KAT2A: variants seen among roughly 807,000 people sequenced by gnomAD.
KAT2A encodes the protein histone acetyltransferase KAT2A.
A neutral mutation model predicts 95.2 loss-of-function variants in KAT2A; 42 were observed. That is an observed-to-expected ratio of 0.44 (90% CI 0.34 to 0.57). The LOEUF is 0.57. KAT2A is among the 20% of genes least tolerant of loss of function. The pLI is 0.01. For synonymous variants in KAT2A, 449 were observed against 448.2 expected (o/e 1.00, Z -0.02); for missense variants, 784 against 1,126.3 (o/e 0.70, Z 4.35).
chr17:42,115,923 G>A lies in KAT2A; in HGVS notation c.1765-90C>T, dbSNP rs2054252043. On this transcript the variant is annotated intron_variant, in intron 11 of 17. Transcript: ENST00000225916. The stretch of plus-strand genomic sequence containing the variant: ...GAGACCAGAGAAGAGCGGGTAGATT[G>A]GAAAGGAGGTAGAGAGAGCGAGAGC... 15 of 797,932 alleles carry A rather than the reference G, an allele frequency of 1.9e-5. No individual in the cohort carries two copies. In the South Asian group the frequency reaches 2.0e-4, roughly 11 times the overall value. The allele number at this position is 797,932 out of a possible 1,614,324, so 49.4% of individuals were successfully genotyped here.
At position 42,116,639 on chromosome 17, in the gene KAT2A, A is replaced by G. The variant is rs782735303; in HGVS notation, c.1764+396T>C. The stretch of plus-strand genomic sequence containing the variant: ...CTACTTGGGAGGCCGAGGCAGGAGT[A>G]TCACTTGAACCTGGGAGGTTGAGGC... On this transcript the variant is annotated intron_variant, in intron 11 of 17. Transcript: ENST00000225916. 4.4e-4 allele frequency among the ~76,000 whole-genome samples: 67 copies of G among 152,214 alleles called. 1 individual carries two copies. The highest frequency in any genetic ancestry group is 8.8e-5 in the Non-Finnish European group (6 of 68,038).
At chr17:42,120,519 G>A in intron 2 of KAT2A, 149 bp from the exon 3 acceptor site, 1 of 1,239,962 alleles carries the variant, frequency 8.1e-7, no homozygotes, top group Non-Finnish European at 1.2e-6. Context: ...TCAACCGTTG[G>A]GTTGCCTGGG....
chr17:42,114,299 C>G lies in KAT2A; in HGVS notation c.2172-17G>C, dbSNP rs2054220353. Reference sequence around the variant, plus strand: ...AGCTCCTTCCTGGGGCGAGAGACACCAAGTCTGAGGCTCCAAGTCCCTCTG... The same window carrying G: ...AGCTCCTTCCTGGGGCGAGAGACACGAAGTCTGAGGCTCCAAGTCCCTCTG... On this transcript the variant is annotated splice_polypyrimidine_tract_variant and intron_variant, in intron 15 of 17. Transcript: ENST00000225916. This position sits in a 1 kb window ranked among gnomAD's most constrained non-coding sequence, Gnocchi z 6.0. 1 of 1,613,114 alleles carries G rather than the reference C, an allele frequency of 6.2e-7. No individual in the cohort carries two copies.
chr17:42,113,736 G>T lies in KAT2A; in HGVS notation c.2427C>A (p.Pro809=). The T allele has an allele frequency of 1.9e-6, 3 of 1,611,680 alleles. No homozygotes were observed. Among genetic ancestry groups the T allele is most frequent in the Non-Finnish European group, 2.5e-6 (3 of 1,179,266 alleles). Residue 809 remains proline (P), a synonymous_variant, in exon 18 of 18, where the codon CCC becomes CCA. Coordinates refer to ENST00000225916, the MANE Select transcript of KAT2A (RefSeq NM_021078.3). ...RVIANCREYN[P]PDSEYCRCAS... ...CACAGCGGCAGTACTCGCTGTCCGG[G>T]GGGTTGTACTCGCGACAGTTGGCGA...
At position 42,118,020 on chromosome 17, in the gene KAT2A, G is replaced by A. The variant is rs1324805758; in HGVS notation, c.1181-3C>T. The A allele has an allele frequency of 3.5e-6, 5 of 1,425,110 alleles. No individual in the cohort carries two copies. The African/African-American group carries it at 1.1e-4, about 32-fold the overall frequency. 88.3% of individuals were successfully genotyped at this position (1,425,110 alleles called of 1,614,324 possible). A position where few individuals can be genotyped will look rare whatever the true frequency, so the allele number is the denominator to read the frequency against. ...AACAACCGCTGCACTGACTGAAGCT[G>A]AGGAGAGAGAGAGACGTCAGGGATG... On this transcript the variant is annotated splice_polypyrimidine_tract_variant and splice_region_variant and intron_variant, in intron 7 of 17. Coordinates refer to ENST00000225916, the MANE Select transcript of KAT2A (RefSeq NM_021078.3).
chr17:42,117,690 C>A lies in KAT2A; in HGVS notation c.1416G>T (p.Met472Ile). The A allele has an allele frequency of 6.2e-7, 1 of 1,610,586 alleles. No homozygotes were observed. Among genetic ancestry groups the A allele is most frequent in the Non-Finnish European group, 8.5e-7 (1 of 1,177,872 alleles). Reference protein sequence around the residue: ...VMLTITDPAAMLGPETSLLSA... With the variant: ...VMLTITDPAAILGPETSLLSA... ...TCGGGCTGCCCACCTCAGGCCCCAG[C>A]ATGGCAGCAGGGTCAGTGATGGTCA... is the stretch of plus-strand genomic sequence containing the variant. The change falls in exon 9 of 18, where the codon ATG becomes ATT. Residue 472 changes from methionine (M) to isoleucine (I), a missense_variant. Transcript: ENST00000225916. The surrounding 1 kb of genome is among the most constrained non-coding windows in gnomAD (Gnocchi z 8.9).
chr17:42,117,318 G>C lies in KAT2A; in HGVS notation c.1637+70C>G, dbSNP rs187138791. ...GGAGCAGGGGATCCCCAATTTTGAGGAGTGAAGAGGCCGAGGAGGAAGGGA... is the reference window on the plus strand; with the variant it reads ...GGAGCAGGGGATCCCCAATTTTGAGCAGTGAAGAGGCCGAGGAGGAAGGGA... On this transcript the variant is annotated intron_variant, in intron 10 of 17. Transcript: ENST00000225916. This position sits in a 1 kb window ranked among gnomAD's most constrained non-coding sequence, Gnocchi z 8.9. The C allele has an allele frequency of 6.4e-7, 1 of 1,569,808 alleles. No homozygotes were observed. The highest frequency in any genetic ancestry group is 2.3e-5 in the East Asian group (1 of 44,426).
In KAT2A at chr17:42,117,972, G is replaced by A. The variant is rs782477360; in HGVS notation, c.1226C>T (p.Pro409Leu). 1 of 1,608,468 alleles carries A rather than the reference G, an allele frequency of 6.2e-7. No individual in the cohort carries two copies. The highest frequency in any genetic ancestry group is 1.1e-5 in the South Asian group (1 of 90,532). ...AVVPSTPIFS[P>L]SMGGGSNSSL... ...GCTGTTGCTGCCCCCACCCATGCTG[G>A]GGCTGAAGATGGGGGTGCTGGGAAC... The change falls in exon 8 of 18, where the codon CCC (proline) becomes CTC (leucine). Residue 409 changes from proline to leucine, a missense_variant. By Grantham distance (98) the Pro-to-Leu change is moderately conservative. Around this residue, in one of 6 missense-constraint regions of KAT2A, gnomAD observed 63 missense variants for 70.1 expected, o/e 0.90. Coordinates refer to ENST00000225916, the MANE Select transcript of KAT2A (RefSeq NM_021078.3). This position sits in a 1 kb window ranked among gnomAD's most constrained non-coding sequence, Gnocchi z 8.9.
In KAT2A at chr17:42,114,876, C is replaced by T; in HGVS notation, c.2019+16G>A. The stretch of plus-strand genomic sequence containing the variant: ...ATTCATGAAAAATCCCACAGATGCG[C>T]ATGTGTGCACACCACCTCTTTCTGC... On this transcript the variant is annotated intron_variant, in intron 13 of 17. Transcript: ENST00000225916. This position sits in a 1 kb window ranked among gnomAD's most constrained non-coding sequence, Gnocchi z 6.0. 6.2e-7 allele frequency: 1 copy of T among 1,613,680 alleles called. No individual in the cohort carries two copies. The highest frequency in any genetic ancestry group is 8.5e-7 in the Non-Finnish European group (1 of 1,179,736).
intron 12 of KAT2A, 80 bp from the exon 13 acceptor site, chr17:42,115,115 G>C: frequency 6.9e-7 from 1 of 1,450,250 alleles, no homozygotes; most frequent in South Asian, 1.2e-5. Flanking sequence ...GAGCACCAGA[G>C]GAGTAGCACG....
chr17:42,114,618 G>A lies in KAT2A; in HGVS notation c.2020-14C>T. 3 of 1,605,828 alleles carry A rather than the reference G, an allele frequency of 1.9e-6. No individual in the cohort carries two copies. The highest frequency in any genetic ancestry group is 2.6e-6 in the Non-Finnish European group (3 of 1,174,456). On this transcript the variant is annotated splice_polypyrimidine_tract_variant and intron_variant, in intron 13 of 17. Transcript: ENST00000225916. This position sits in a 1 kb window ranked among gnomAD's most constrained non-coding sequence, Gnocchi z 6.0. ...CTTCTTGATGATCTGAGGGAAGGAA[G>A]GGACTGAGGGGCCAACTCCAGCCCC... is the stretch of plus-strand genomic sequence containing the variant.
chr17:42,119,685 G>A lies in KAT2A; in HGVS notation c.733C>T (p.His245Tyr). ...VLNFVQYKFS[H>Y]LAPRERQTMF... ...GTCTGCCGCTCCCGGGGAGCCAGGT[G>A]ACTAAACTTGTACTGCACAAAGTTC... The change falls in exon 5 of 18, where the codon CAC becomes TAC. Residue 245 changes from histidine (H) to tyrosine (Y), a missense_variant. His to Tyr is a moderately conservative substitution (Grantham distance 83). Around this residue, in one of 6 missense-constraint regions of KAT2A, gnomAD observed 208 missense variants for 339.7 expected, o/e 0.61. Transcript: ENST00000225916. This position sits in a 1 kb window ranked among gnomAD's most constrained non-coding sequence, Gnocchi z 5.3. 1 of 1,611,976 alleles carries A rather than the reference G, an allele frequency of 6.2e-7. No individual in the cohort carries two copies. The highest frequency in any genetic ancestry group is 8.5e-7 in the Non-Finnish European group (1 of 1,178,892).
chr17:42,117,221 TG>T lies in KAT2A; in HGVS notation c.1638-61del. Reference sequence around the variant, plus strand: ...TGTCCCCTTCAGGTCCCCAGAGCCCTGGAAGTCTGAGCTGTAGTCAGGGTTG... The same window carrying T: ...TGTCCCCTTCAGGTCCCCAGAGCCCTGAAGTCTGAGCTGTAGTCAGGGTTG... On this transcript the variant is annotated intron_variant, in intron 10 of 17. Coordinates refer to ENST00000225916, the MANE Select transcript of KAT2A (RefSeq NM_021078.3). The surrounding 1 kb of genome is among the most constrained non-coding windows in gnomAD (Gnocchi z 8.9). 1 of 1,603,958 alleles carries T rather than the reference TG, an allele frequency of 6.2e-7. No homozygotes were observed. The highest frequency in any genetic ancestry group is 8.5e-7 in the Non-Finnish European group (1 of 1,174,334).
chr17:42,117,329 C>G lies in KAT2A; in HGVS notation c.1637+59G>C. On this transcript the variant is annotated intron_variant, in intron 10 of 17. Coordinates refer to ENST00000225916, the MANE Select transcript of KAT2A (RefSeq NM_021078.3). This position sits in a 1 kb window ranked among gnomAD's most constrained non-coding sequence, Gnocchi z 8.9. ...TCCCCAATTTTGAGGAGTGAAGAGG[C>G]CGAGGAGGAAGGGAACTGGGTGTGC... 6.3e-7 allele frequency: 1 copy of G among 1,584,644 alleles called. No individual in the cohort carries two copies. Among genetic ancestry groups the G allele is most frequent in the Non-Finnish European group, 8.6e-7 (1 of 1,156,980 alleles).
Position 42,113,551 on chromosome 17 carries a change from A to G in KAT2A, c.*98T>C. ...GAGGACCCTTGGCTGGAGTGTCTCA[A>G]GCTGAGTCGGGTCCGTGGGGCCAGG... is the stretch of plus-strand genomic sequence containing the variant. On this transcript the variant is annotated 3_prime_UTR_variant, in exon 18 of 18. Coordinates refer to ENST00000225916, the MANE Select transcript of KAT2A (RefSeq NM_021078.3). The G allele has an allele frequency of 8.2e-7, 1 of 1,215,140 alleles. No homozygotes were observed. The highest frequency in any genetic ancestry group is 2.3e-5 in the Admixed American group (1 of 43,120). The allele number at this position is 1,215,140 out of a possible 1,614,324, so 75.3% of individuals were successfully genotyped here.
chr17:42,117,880 G>A lies in KAT2A; in HGVS notation c.1291+27C>T, dbSNP rs1555666376. On this transcript the variant is annotated intron_variant, in intron 8 of 17. Transcript: ENST00000225916. This position sits in a 1 kb window ranked among gnomAD's most constrained non-coding sequence, Gnocchi z 8.9. ...AAGGTTTGGGAAGGAGTGAATGAGG[G>A]TCAGAGGTCAGGGGTCAAGTATCCA... 2 of 1,601,736 alleles carry A rather than the reference G, an allele frequency of 1.2e-6. No individual in the cohort carries two copies. The highest frequency in any genetic ancestry group is 1.7e-6 in the Non-Finnish European group (2 of 1,171,342).
At chr17:42,116,577 G>A (rs2054261286) in intron 11 of KAT2A, among the ~76,000 whole-genome samples, 1 of 151,996 alleles carries the variant, frequency 6.6e-6, no homozygotes, top group African/African-American at 2.4e-5. Context: ...AAATACAAAA[G>A]TTAGCCAGAC....
Position 42,113,736 on chromosome 17 carries a change from G to A in KAT2A, c.2427C>T (p.Pro809=). 6.2e-7 allele frequency: 1 copy of A among 1,611,680 alleles called. No homozygotes were observed. Among genetic ancestry groups the A allele is most frequent in the South Asian group, 1.1e-5 (1 of 90,846 alleles). Residue 809 remains proline, a synonymous_variant, in exon 18 of 18, where the codon CCC becomes CCT. Coordinates refer to ENST00000225916, the MANE Select transcript of KAT2A (RefSeq NM_021078.3). ...RVIANCREYN[P]PDSEYCRCAS... The stretch of plus-strand genomic sequence containing the variant: ...CACAGCGGCAGTACTCGCTGTCCGG[G>A]GGGTTGTACTCGCGACAGTTGGCGA...
In KAT2A at chr17:42,117,597, C is replaced by G; in HGVS notation, c.1429-1G>C. 6.2e-7 allele frequency: 1 copy of G among 1,611,810 alleles called. No individual in the cohort carries two copies. The highest frequency in any genetic ancestry group is 1.1e-5 in the South Asian group (1 of 90,946). On this transcript the variant is annotated splice_acceptor_variant, in intron 9 of 17. Transcript: ENST00000225916. LOFTEE classifies it high-confidence loss of function. The surrounding 1 kb of genome is among the most constrained non-coding windows in gnomAD (Gnocchi z 8.9). ...CCGCATTGGCCGAAAGCAGGCTCGT[C>G]TGGGCACAGAAGAGGGGTGGTGAGC...
Sources: allele counts gnomAD v4.1 joint callset (sites outside exome capture counted in the v4.1 genomes callset), GRCh38; gene constraint gnomAD v4.1.1; regional missense constraint gnomAD v4.1.1; non-coding constraint Gnocchi (gnomAD v3.1); transcripts MANE v1.5; gene names NCBI Gene and HGNC (gene_info 2026-07-23, HGNC 2026-07-21).